The following PCDHA11 variants were observed in gnomAD, a reference collection of about 807,000 sequenced individuals.
PCDHA11 encodes protocadherin alpha-11.
Under a neutral mutation model 70.3 loss-of-function variants are expected in PCDHA11, and 61 were observed. The ratio of observed to expected loss-of-function variants is 0.87; its 90% CI spans 0.71 to 1.07. The LOEUF is 1.07. Ranked by LOEUF, PCDHA11 falls within the 50% of genes least tolerant of loss-of-function variation. The pLI is 0.00. For synonymous variants in PCDHA11, 633 were observed against 555.1 expected (o/e 1.14, Z -1.97); for missense variants, 1,324 against 1,237.5 (o/e 1.07, Z -1.05).
intron 1 of PCDHA11, among the ~76,000 whole-genome samples, chr5:140,907,086 A>T (rs1042352534): frequency 6.6e-6 from 1 of 152,136 alleles, no homozygotes; most frequent in East Asian, 1.9e-4. Context: ...GGTGATGGTA[A>T]GTGGTGCCAC....
At chr5:140,995,738 T>G (rs1441000111) in intron 3 of PCDHA11, among the ~76,000 whole-genome samples, 1 of 152,150 alleles carries the variant, frequency 6.6e-6, no homozygotes, top group Non-Finnish European at 1.5e-5. Context: ...CTGGTGGATT[T>G]GGTATATCAT....
intron 1 of PCDHA11, among the ~76,000 whole-genome samples, chr5:140,944,853 C>G (rs1230548858): frequency 6.6e-6 from 1 of 152,118 alleles, no homozygotes; most frequent in Non-Finnish European, 1.5e-5. Context: ...TTAGAATCAT[C>G]CTTATTTATC....
At chr5:140,896,517 A>G (rs1300184594) in intron 1 of PCDHA11, among the ~76,000 whole-genome samples, 1 of 149,680 alleles carries the variant, frequency 6.7e-6, no homozygotes, top group African/African-American at 2.5e-5. Flanking sequence ...GGCACACACC[A>G]CAAAGCCCAG....
rs1329189325 is a variant in PCDHA11, at chr5:141,010,310, G to C, written c.*373G>C. The C allele has an allele frequency of 6.5e-7, 1 of 1,547,658 alleles. No individual in the cohort carries two copies. The highest frequency in any genetic ancestry group is 8.7e-7 in the Non-Finnish European group (1 of 1,145,866). ...CTTGCAGGGCAGGCTGAAAAGTTTT[G>C]AGATTGAGCAGCTTGGGAGTTTGTG... On this transcript the variant is annotated 3_prime_UTR_variant, in exon 4 of 4. Coordinates refer to ENST00000398640, the MANE Select transcript of PCDHA11 (RefSeq NM_018902.5).
rs369536692 is a variant in PCDHA11 at position 140,876,705 on chromosome 5, C to T, written c.2391+5211C>T. The T allele has an allele frequency of 2.0e-5, 33 of 1,614,240 alleles. No individual in the cohort carries two copies. In the African/African-American group the frequency reaches 3.3e-4, roughly 16 times the overall value. ...ATTACTACTCGTTGGTGCTGGACAG[C>T]GCCCTGGACCGCGAGAGCGTGTCGG... On this transcript the variant is annotated intron_variant, in intron 1 of 3. Transcript: ENST00000398640.
intron 3 of PCDHA11, among the ~76,000 whole-genome samples, chr5:141,000,361 G>GTCTCTC (rs148596731): frequency 3.0e-3 from 79 of 26,442 alleles, no homozygotes; most frequent in East Asian, 6.3e-3. Flanking sequence ...GTCTCTCTCT[G>GTCTCTC]TCTCTCTCTC....
chr5:140,879,943 G>C (rs1554171086), intron 1 of PCDHA11, among the ~76,000 whole-genome samples: 1 of 152,078 alleles, frequency 6.6e-6, no homozygotes, highest in Non-Finnish European at 1.5e-5. Flanking sequence ...ATTGTATTTA[G>C]GGCCCATCTG....
At chr5:140,949,144 T>C (rs2094347159) in intron 1 of PCDHA11, among the ~76,000 whole-genome samples, 1 of 151,806 alleles carries the variant, frequency 6.6e-6, no homozygotes, top group Non-Finnish European at 1.5e-5. Context: ...TTGTTGCTTT[T>C]GATTTCTAAT....
chr5:140,875,741 T>A lies in PCDHA11; in HGVS notation c.2391+4247T>A, dbSNP rs781967971. On this transcript the variant is annotated intron_variant, in intron 1 of 3. Transcript: ENST00000398640. ...GGCATTTTGTTTGTGAATTCTCGGA[T>A]CGACCGCGAGAAGCTGTGCGGGCGG... 1.7e-5 allele frequency: 28 copies of A among 1,614,216 alleles called. No individual in the cohort carries two copies. Among genetic ancestry groups the A allele is most frequent in the Non-Finnish European group, 2.2e-5 (26 of 1,180,032 alleles).
intron 1 of PCDHA11, among the ~76,000 whole-genome samples, chr5:140,900,791 T>A (rs2068293056): frequency 6.6e-6 from 1 of 152,200 alleles, no homozygotes; most frequent in African/African-American, 2.4e-5. Flanking sequence ...TCCAAACTGT[T>A]CTCCATAGTG....
At chr5:140,967,475 C>T (rs555659207) in intron 1 of PCDHA11, 1 of 1,613,342 alleles carries the variant, frequency 6.2e-7, no homozygotes, top group South Asian at 1.1e-5. Context: ...CATCCCAGCC[C>T]GCTCGGGTAC....
chr5:141,002,047 C>A (rs1449885583), intron 3 of PCDHA11, among the ~76,000 whole-genome samples: 2 of 152,202 alleles, frequency 1.3e-5, no homozygotes, highest in Non-Finnish European at 2.9e-5. Flanking sequence ...TCCTGGGCAT[C>A]CAGAGGCAGC....
intron 1 of PCDHA11, among the ~76,000 whole-genome samples, chr5:140,916,305 G>T (rs2077519382): frequency 1.3e-5 from 2 of 152,156 alleles, no homozygotes; most frequent in South Asian, 2.1e-4. Context: ...TGGTACCAAA[G>T]GTGCAAGACA....
At chr5:140,937,142 A>G (rs1362886135) in intron 1 of PCDHA11, among the ~76,000 whole-genome samples, 1 of 147,852 alleles carries the variant, frequency 6.8e-6, no homozygotes, top group Non-Finnish European at 1.5e-5. Context: ...GGTTCATGCC[A>G]TTCTCCTGCC....
intron 1 of PCDHA11, among the ~76,000 whole-genome samples, chr5:140,902,590 A>G (rs1266008229): frequency 6.6e-6 from 1 of 151,942 alleles, no homozygotes; most frequent in African/African-American, 2.4e-5. Flanking sequence ...TAGTTTTGGG[A>G]AACAGGTCGT....
At chr5:140,883,121 G>C in intron 1 of PCDHA11, 12 of 1,614,070 alleles carry the variant, frequency 7.4e-6, no homozygotes, top group Non-Finnish European at 1.0e-5. Context: ...TAGAAGGCCT[G>C]TATGGCCTGC....
intron 1 of PCDHA11, among the ~76,000 whole-genome samples, chr5:140,970,659 T>C (rs1243959173): frequency 4.6e-5 from 7 of 152,238 alleles, no homozygotes; most frequent in Non-Finnish European, 2.9e-5. Context: ...AATTGTTATC[T>C]TTCCAAATAA....
At chr5:140,924,480 T>C (rs2081865040) in intron 1 of PCDHA11, among the ~76,000 whole-genome samples, 1 of 152,178 alleles carries the variant, frequency 6.6e-6, no homozygotes, top group Non-Finnish European at 1.5e-5. Flanking sequence ...TGGTTTTTAG[T>C]GGAACACTGG....
chr5:140,930,794 T>G (rs2087114829), intron 1 of PCDHA11, among the ~76,000 whole-genome samples: 1 of 152,200 alleles, frequency 6.6e-6, no homozygotes, highest in Non-Finnish European at 1.5e-5. Context: ...TATAATAGAA[T>G]CCAGCATATA....
Sources: allele counts gnomAD v4.1 joint callset (sites outside exome capture counted in the v4.1 genomes callset), GRCh38; gene constraint gnomAD v4.1.1; transcripts MANE v1.5; gene names NCBI Gene and HGNC (gene_info 2026-07-23, HGNC 2026-07-21).